Variants in TNKS observed in about 807,000 individuals in gnomAD.
TNKS encodes tankyrase.
TNKS carries 72 observed loss-of-function variants against 135.8 expected under a neutral mutation model. The observed-to-expected ratio is 0.53, with a 90% CI of 0.44 to 0.64. The LOEUF is 0.64. Ranked by LOEUF, TNKS falls within the 30% of genes least tolerant of loss-of-function variation. The pLI is 0.00. For synonymous variants in TNKS, 849 were observed against 649.3 expected (o/e 1.31, Z -4.68); for missense variants, 1,769 against 1,674.0 (o/e 1.06, Z -0.99).
rs978188540 is a variant in TNKS at position 9,769,961 on chromosome 8, A to T, written c.3741-145A>T. 19 of 677,820 alleles carry T rather than the reference A, an allele frequency of 2.8e-5. 1 individual carries two copies. The South Asian group carries it at 4.0e-4, about 14-fold the overall frequency. The allele number at this position is 677,820 out of a possible 1,614,324, so 42.0% of individuals were successfully genotyped here. ...ATAGCAAATCATTATATCAAATTCC[A>T]TCCCATTCCTACTCATAAATCTGAA... is the stretch of plus-strand genomic sequence containing the variant. On this transcript the variant is annotated intron_variant, in intron 25 of 26. Coordinates refer to ENST00000310430, the MANE Select transcript of TNKS (RefSeq NM_003747.3).
chr8:9,720,039 C>T (rs1804796885), intron 11 of TNKS, among the ~76,000 whole-genome samples: 1 of 152,058 alleles, frequency 6.6e-6, no homozygotes, highest in African/African-American at 2.4e-5. Context: ...GGTGAGCATC[C>T]TCATTGTGGC....
chr8:9,645,405 C>G (rs1159701418), intron 3 of TNKS, among the ~76,000 whole-genome samples: 1 of 152,100 alleles, frequency 6.6e-6, no homozygotes, highest in Non-Finnish European at 1.5e-5. Flanking sequence ...AAGGAAAAGG[C>G]AGGAAAGGAG....
intron 20 of TNKS, among the ~76,000 whole-genome samples, 174 bp downstream of exon 20, chr8:9,752,800 A>G (rs555341970): frequency 1.3e-5 from 2 of 152,026 alleles, no homozygotes; most frequent in African/African-American, 2.4e-5. Context: ...TACAAAAAAA[A>G]AAGTTTTTAA....
intron 1 of TNKS, among the ~76,000 whole-genome samples, chr8:9,564,821 CTAGG>C (rs1302640816): frequency 6.6e-6 from 1 of 152,158 alleles, no homozygotes; most frequent in Non-Finnish European, 1.5e-5. Flanking sequence ...AGTCTGAGGG[CTAGG>C]TGCAGCCTCC....
chr8:9,659,655 C>G (rs1364980306), intron 3 of TNKS, among the ~76,000 whole-genome samples: 1 of 152,068 alleles, frequency 6.6e-6, no homozygotes, highest in African/African-American at 2.4e-5. Flanking sequence ...AATTGACACC[C>G]TAACATCACA....
intron 5 of TNKS, among the ~76,000 whole-genome samples, chr8:9,694,765 A>C (rs1485189522): frequency 6.7e-6 from 1 of 148,638 alleles, no homozygotes; most frequent in African/African-American, 2.5e-5. Context: ...CTGTCTCAAA[A>C]AAAAAAAAAA....
At chr8:9,688,923 G>A (rs1271965047) in intron 5 of TNKS, among the ~76,000 whole-genome samples, 1 of 151,968 alleles carries the variant, frequency 6.6e-6, no homozygotes, top group East Asian at 1.9e-4. Context: ...TTACAGGCGT[G>A]AGCCACTGTT....
chr8:9,768,348 A>G (rs1011254356), intron 25 of TNKS, among the ~76,000 whole-genome samples: 1 of 152,224 alleles, frequency 6.6e-6, no homozygotes, highest in Admixed American at 6.5e-5. Context: ...TGCCCAGTCC[A>G]TGAGGCATCT....
intron 3 of TNKS, among the ~76,000 whole-genome samples, chr8:9,659,296 C>T (rs1801580775): frequency 6.6e-6 from 1 of 152,126 alleles, no homozygotes; most frequent in South Asian, 2.1e-4. Context: ...TTTTCAGCAC[C>T]ACACCACACC....
At chr8:9,629,502 A>C (rs1362862320) in intron 3 of TNKS, among the ~76,000 whole-genome samples, 1 of 152,188 alleles carries the variant, frequency 6.6e-6, no homozygotes, top group African/African-American at 2.4e-5. Context: ...TGCAATGGTT[A>C]GTGCTTTTCC....
chr8:9,594,459 C>T (rs944490837), intron 2 of TNKS, among the ~76,000 whole-genome samples: 12 of 152,134 alleles, frequency 7.9e-5, no homozygotes, highest in African/African-American at 1.7e-4. Context: ...ATCTGGCTAT[C>T]GGTTATCGTA....
At chr8:9,576,551 A>G (rs908946504) in intron 1 of TNKS, among the ~76,000 whole-genome samples, 33 of 150,600 alleles carry the variant, frequency 2.2e-4, no homozygotes, top group African/African-American at 8.1e-4. Context: ...GCTCACTGCA[A>G]GCTCCACCTC....
chr8:9,578,649 C>T (rs745668957), intron 1 of TNKS, among the ~76,000 whole-genome samples: 4 of 152,078 alleles, frequency 2.6e-5, no homozygotes, highest in Non-Finnish European at 5.9e-5. Flanking sequence ...TCTTTTTTCC[C>T]CTTACTCTTT....
intron 3 of TNKS, among the ~76,000 whole-genome samples, chr8:9,669,672 T>A (rs1187336608): frequency 6.6e-6 from 1 of 152,164 alleles, no homozygotes; most frequent in African/African-American, 2.4e-5. Context: ...TTGGACTTAA[T>A]GGATATATTA....
intron 3 of TNKS, among the ~76,000 whole-genome samples, chr8:9,657,598 A>G (rs1189800292): frequency 1.9e-3 from 104 of 55,168 alleles, no homozygotes; most frequent in African/African-American, 2.4e-3. Context: ...GGCCGGGCGG[A>G]GGGCTGACCC....
chr8:9,747,889 T>C, intron 17 of TNKS, 135 bp from the exon 18 acceptor site: 1 of 868,260 alleles, frequency 1.2e-6, no homozygotes, highest in Middle Eastern at 3.6e-4. Context: ...TACTCTTTTT[T>C]TTAGAAGAAA....
At chr8:9,589,549 C>G (rs1340723961) in intron 2 of TNKS, among the ~76,000 whole-genome samples, 1 of 152,228 alleles carries the variant, frequency 6.6e-6, no homozygotes, top group Non-Finnish European at 1.5e-5. Context: ...ACTCTTGTTG[C>G]TAAACCTGAG....
At chr8:9,687,975 A>C (rs561795088) in intron 5 of TNKS, among the ~76,000 whole-genome samples, 1 of 152,354 alleles carries the variant, frequency 6.6e-6, no homozygotes, top group South Asian at 2.1e-4. Flanking sequence ...CAGTAGCTGG[A>C]AAAACACCCA....
At chr8:9,613,861 T>C (rs1477590828) in intron 2 of TNKS, among the ~76,000 whole-genome samples, 1 of 152,218 alleles carries the variant, frequency 6.6e-6, no homozygotes, top group Non-Finnish European at 1.5e-5. Context: ...ATTTTACTTC[T>C]AGCACTCATT....
Sources: gnomAD v4.1 joint callset for allele counts (sites outside exome capture counted in the v4.1 genomes callset) on GRCh38, gnomAD v4.1.1 for gene constraint, MANE v1.5 for transcripts, NCBI Gene and HGNC (gene_info 2026-07-23, HGNC 2026-07-21) for gene names.